Variants in PARD3 observed in about 807,000 individuals in gnomAD.
The protein encoded by PARD3 is partitioning defective 3 homolog.
In PARD3, 75 loss-of-function variants were observed where a neutral mutation model predicts 155.4. That is an observed-to-expected ratio of 0.48 (90% confidence interval 0.40 to 0.58). PARD3 has a LOEUF of 0.58. Ranked by LOEUF, PARD3 falls within the 20% of genes least tolerant of loss-of-function variation. The pLI, the probability that PARD3 is intolerant of heterozygous loss-of-function variation, is 0.00. For missense variants in PARD3, 1,642 were observed against 1,721.7 expected (o/e 0.95, Z 0.82); for synonymous variants, 576 against 610.5 (o/e 0.94, Z 0.83).
chr10:34,703,163 G>A (rs899836889), intron 1 of PARD3, among the ~76,000 whole-genome samples: 2 of 151,992 alleles, frequency 1.3e-5, no homozygotes, highest in African/African-American at 4.8e-5. Flanking sequence ...CAGGTGAACT[G>A]CTTGAGGCCA....
At chr10:34,375,425 C>T (rs1841129521) in intron 10 of PARD3, among the ~76,000 whole-genome samples, 1 of 152,092 alleles carries the variant, frequency 6.6e-6, no homozygotes, top group Non-Finnish European at 1.5e-5. Flanking sequence ...GTAATAAAAA[C>T]ACACCAAAAA....
chr10:34,521,206 T>C (rs1018975195), intron 2 of PARD3, among the ~76,000 whole-genome samples: 1 of 152,122 alleles, frequency 6.6e-6, no homozygotes, highest in Non-Finnish European at 1.5e-5. Flanking sequence ...AGAACCACAG[T>C]TGGTGATTTG....
rs2091853957 is a variant in PARD3, at chr10:34,624,065, A to G, written c.222+72253T>C. Among the ~76,000 whole-genome samples the G allele has an allele frequency of 2.6e-5, 4 of 151,594 alleles. No homozygotes were observed. In the South Asian group the frequency reaches 6.3e-4, roughly 24 times the overall value. On this transcript the variant is annotated intron_variant, in intron 2 of 24. Transcript: ENST00000374788. ...CAGCTGCCTGGTCTCTAGGAACAACACGTGATTGTGTGCACACGGCTCCTA... is the reference window on the plus strand; with the variant it reads ...CAGCTGCCTGGTCTCTAGGAACAACGCGTGATTGTGTGCACACGGCTCCTA...
intron 8 of PARD3, 130 bp downstream of exon 8, chr10:34,383,999 G>A: frequency 2.4e-6 from 2 of 848,948 alleles, no homozygotes; most frequent in Non-Finnish European, 3.6e-6. Context: ...ATTTTTAAAA[G>A]CTAATGGCAG....
At chr10:34,211,721 A>T (rs1045800498) in intron 22 of PARD3, among the ~76,000 whole-genome samples, 2 of 152,096 alleles carry the variant, frequency 1.3e-5, no homozygotes, top group African/African-American at 4.8e-5. Flanking sequence ...CGGAGATTGC[A>T]GTGAGCCGAG....
At chr10:34,588,553 A>G (rs368242460) in intron 2 of PARD3, among the ~76,000 whole-genome samples, 5 of 152,318 alleles carry the variant, frequency 3.3e-5, no homozygotes, top group South Asian at 4.1e-4. Flanking sequence ...ATTTATTACC[A>G]TACCTGTGAC....
chr10:34,346,411 G>A (rs377172567), intron 15 of PARD3: 49 of 1,344,278 alleles, frequency 3.6e-5, no homozygotes, highest in Non-Finnish European at 4.6e-5. Context: ...AGGAACTGGT[G>A]GACCAATGGT....
Position 34,650,266 on chromosome 10 carries a change from C to G in PARD3, c.222+46052G>C, listed in dbSNP as rs533013910. ...CACAGCACAGTAGGTTTCTTCACAGCAGCATCACCAAAGACACCTAAGGAC... is the reference window on the plus strand; with the variant it reads ...CACAGCACAGTAGGTTTCTTCACAGGAGCATCACCAAAGACACCTAAGGAC... On this transcript the variant is annotated intron_variant, in intron 2 of 24. Transcript: ENST00000374788. Among the ~76,000 whole-genome samples the G allele has an allele frequency of 8.5e-5, 13 of 152,356 alleles. No homozygotes were observed. In the South Asian group the frequency reaches 2.7e-3, roughly 32 times the overall value.
At chr10:34,727,416 T>A (rs967528597) in intron 1 of PARD3, among the ~76,000 whole-genome samples, 1 of 152,236 alleles carries the variant, frequency 6.6e-6, no homozygotes, top group Admixed American at 6.5e-5. Context: ...GCCTTCTCCC[T>A]GCAGGCAGGG....
Position 34,561,126 on chromosome 10 carries a change from C to T in PARD3, c.223-43967G>A, listed in dbSNP as rs1399758815. Among the ~76,000 whole-genome samples the T allele has an allele frequency of 3.3e-5, 5 of 152,066 alleles. No homozygotes were observed. In the East Asian group the frequency reaches 7.7e-4, roughly 23 times the overall value. On this transcript the variant is annotated intron_variant, in intron 2 of 24. Coordinates refer to ENST00000374788, the MANE Select transcript of PARD3 (RefSeq NM_001184785.2). ...GAAATATTATTCTGAATACTCCAAA[C>T]GTGTGATGCAAATTATACCGACTCT... is the stretch of plus-strand genomic sequence containing the variant.
chr10:34,609,149 G>C (rs1332724367), intron 2 of PARD3, among the ~76,000 whole-genome samples: 1 of 152,090 alleles, frequency 6.6e-6, no homozygotes, highest in African/African-American at 2.4e-5. Context: ...TTCCTCTAAA[G>C]CAATGGCATA....
At chr10:34,137,079 A>G (rs1947940354) in intron 22 of PARD3, among the ~76,000 whole-genome samples, 1 of 152,126 alleles carries the variant, frequency 6.6e-6, no homozygotes, top group African/African-American at 2.4e-5. Flanking sequence ...TTGAATGTGG[A>G]CAGAACCCAC....
chr10:34,662,451 C>T (rs1433542705), intron 2 of PARD3, among the ~76,000 whole-genome samples: 1 of 152,194 alleles, frequency 6.6e-6, no homozygotes, highest in Non-Finnish European at 1.5e-5. Flanking sequence ...GGTATCTGCA[C>T]TCCTATGTTC....
intron 21 of PARD3, among the ~76,000 whole-genome samples, chr10:34,283,681 T>C (rs548164731): frequency 6.6e-6 from 1 of 152,172 alleles, no homozygotes; most frequent in Non-Finnish European, 1.5e-5. Flanking sequence ...AAAAACAACA[T>C]AATGAATAAC....
At chr10:34,280,067 A>G (rs920636213) in intron 21 of PARD3, among the ~76,000 whole-genome samples, 1 of 152,142 alleles carries the variant, frequency 6.6e-6, no homozygotes, top group Non-Finnish European at 1.5e-5. Flanking sequence ...AACATTATAA[A>G]CCTCATTTAA....
chr10:34,230,258 T>C (rs1449304438), intron 22 of PARD3, among the ~76,000 whole-genome samples: 1 of 152,080 alleles, frequency 6.6e-6, no homozygotes, highest in African/African-American at 2.4e-5. Flanking sequence ...GTGGATTTCC[T>C]GAGCAGGGAG....
intron 22 of PARD3, among the ~76,000 whole-genome samples, chr10:34,200,776 TG>T (rs1282333503): frequency 4.6e-5 from 7 of 152,242 alleles, no homozygotes; most frequent in Non-Finnish European, 8.8e-5. Flanking sequence ...TGCTGCATTA[TG>T]GAACAAAAGC....
At chr10:34,610,662 AAT>A in intron 2 of PARD3, among the ~76,000 whole-genome samples, 1 of 152,226 alleles carries the variant, frequency 6.6e-6, no homozygotes, top group Non-Finnish European at 1.5e-5. Flanking sequence ...CCTTTTTTGA[AAT>A]ATATATATAA....
intron 19 of PARD3, among the ~76,000 whole-genome samples, chr10:34,323,385 G>C (rs1958494453): frequency 6.6e-6 from 1 of 151,504 alleles, no homozygotes; most frequent in South Asian, 2.1e-4. Flanking sequence ...GAAGACTTTA[G>C]AGCTTTTAGA....
Sources: allele counts gnomAD v4.1 joint callset (sites outside exome capture counted in the v4.1 genomes callset), GRCh38; gene constraint gnomAD v4.1.1; transcripts MANE v1.5; gene names NCBI Gene and HGNC (gene_info 2026-07-23, HGNC 2026-07-21).